SAMSN1: variants seen among roughly 807,000 people sequenced by gnomAD.
The protein encoded by SAMSN1 is SAM domain, SH3 domain and nuclear localization signals 1, also known as SAM domain-containing protein SAMSN-1.
A neutral mutation model predicts 42.0 loss-of-function variants in SAMSN1; 31 were observed. The observed-to-expected ratio is 0.74, with a 90% CI of 0.55 to 1.00. The LOEUF (loss-of-function observed/expected upper bound fraction) is 1.00. Ranked by LOEUF, SAMSN1 falls within the 50% of genes least tolerant of loss-of-function variation. The pLI, the probability that SAMSN1 is intolerant of heterozygous loss-of-function variation, is 0.00. For synonymous variants in SAMSN1, 178 were observed against 151.9 expected, an observed-to-expected ratio of 1.17 and a Z score of -1.26; for missense variants, 464 against 439.4, an observed-to-expected ratio of 1.06 and a Z score of -0.50.
At chr21:14,581,614 C>T (rs1981734833) in intron 2 of SAMSN1, among the ~76,000 whole-genome samples, 1 of 151,716 alleles carries the variant, frequency 6.6e-6, no homozygotes, top group Admixed American at 6.6e-5. Context: ...CCGCCTCGGC[C>T]TCCCAAAAGT....
chr21:14,528,857 A>C (rs1979052575), intron 1 of SAMSN1, among the ~76,000 whole-genome samples: 1 of 152,104 alleles, frequency 6.6e-6, no homozygotes, highest in African/African-American at 2.4e-5. Flanking sequence ...CGTTACCGAG[A>C]GCTTTCCATC....
intron 2 of SAMSN1, among the ~76,000 whole-genome samples, chr21:14,623,872 A>G (rs993197232): frequency 6.6e-6 from 1 of 152,140 alleles, no homozygotes; most frequent in Non-Finnish European, 1.5e-5. Flanking sequence ...CCACATAGTT[A>G]GAAGTAAAGC....
chr21:14,644,396 A>G (rs1983670551), intron 1 of SAMSN1, among the ~76,000 whole-genome samples: 1 of 152,046 alleles, frequency 6.6e-6, no homozygotes, highest in Admixed American at 6.6e-5. Flanking sequence ...TAGCTCCCAG[A>G]TGACATTTCT....
At chr21:14,563,641 C>A (rs1188162592) in intron 2 of SAMSN1, among the ~76,000 whole-genome samples, 2 of 152,148 alleles carry the variant, frequency 1.3e-5, no homozygotes, top group Non-Finnish European at 2.9e-5. Context: ...TGTGAGTGAG[C>A]TTCTTCCCCA....
chr21:14,651,707 C>T (rs1300987306), intron 1 of SAMSN1, among the ~76,000 whole-genome samples: 1 of 151,914 alleles, frequency 6.6e-6, no homozygotes, highest in Admixed American at 6.6e-5. Context: ...ATATACATGG[C>T]ATCCAAATTA....
At chr21:14,646,644 T>C (rs1264473283) in intron 1 of SAMSN1, among the ~76,000 whole-genome samples, 2 of 152,142 alleles carry the variant, frequency 1.3e-5, no homozygotes, top group East Asian at 3.9e-4. Flanking sequence ...AACTGTGGTG[T>C]GTAAAATAAT....
rs551068704 is a variant in SAMSN1 at position 14,657,298 on chromosome 21, A to C, written c.24+1450T>G. 9.9e-5 allele frequency among the ~76,000 whole-genome samples: 15 copies of C among 152,004 alleles called. No homozygotes were observed. The South Asian group carries it at 3.1e-3, about 31-fold the overall frequency. ...GGGTTCTTGATGGTTCCGTCTAATGAAATATGTTTCTGAACAAGTAACTTC... is the reference window on the plus strand; with the variant it reads ...GGGTTCTTGATGGTTCCGTCTAATGCAATATGTTTCTGAACAAGTAACTTC... On this transcript the variant is annotated intron_variant, in intron 1 of 15. Transcript: ENST00000647101.
At chr21:14,609,310 A>C (rs1982644116) in intron 5 of SAMSN1, among the ~76,000 whole-genome samples, 1 of 152,118 alleles carries the variant, frequency 6.6e-6, no homozygotes, top group Non-Finnish European at 1.5e-5. Flanking sequence ...ATACATGTAT[A>C]TATTAATAGT....
At chr21:14,531,734 T>C in intron 1 of SAMSN1, among the ~76,000 whole-genome samples, 1 of 152,210 alleles carries the variant, frequency 6.6e-6, no homozygotes, top group East Asian at 1.9e-4. Flanking sequence ...ATAGTACTCA[T>C]TACTTTGAAA....
intron 2 of SAMSN1, among the ~76,000 whole-genome samples, chr21:14,579,526 G>A (rs755903711): frequency 3.3e-5 from 5 of 152,000 alleles, no homozygotes; most frequent in Non-Finnish European, 5.9e-5. Flanking sequence ...TGCTTTATCT[G>A]GATCTATGGA....
intron 5 of SAMSN1, among the ~76,000 whole-genome samples, chr21:14,502,973 C>G (rs887666194): frequency 9.2e-5 from 14 of 152,132 alleles, no homozygotes; most frequent in South Asian, 2.1e-4. Context: ...ACTTTTAGCA[C>G]TTTGTGATAC....
At chr21:14,544,520 A>G (rs1409612740) in intron 1 of SAMSN1, among the ~76,000 whole-genome samples, 2 of 152,242 alleles carry the variant, frequency 1.3e-5, no homozygotes, top group Non-Finnish European at 2.9e-5. Context: ...CTGTGCCTCT[A>G]TATTCACATC....
At chr21:14,520,115 A>G (rs1490128897) in intron 2 of SAMSN1, among the ~76,000 whole-genome samples, 1 of 152,208 alleles carries the variant, frequency 6.6e-6, no homozygotes, top group Non-Finnish European at 1.5e-5. Context: ...TTTCATCGTG[A>G]GTGCTCAACT....
At chr21:14,525,913 G>T (rs1299298618) in intron 1 of SAMSN1, among the ~76,000 whole-genome samples, 4 of 152,094 alleles carry the variant, frequency 2.6e-5, no homozygotes, top group African/African-American at 9.7e-5. Context: ...TATGCAGGCT[G>T]GAGTGCAGTG....
Position 14,609,619 on chromosome 21 carries a change from A to T in SAMSN1, c.236-51T>A, listed in dbSNP as rs891766415. 2.9e-5 allele frequency: 21 copies of T among 716,518 alleles called. No homozygotes were observed. In the Admixed American group the frequency reaches 3.0e-4, roughly 10 times the overall value. The allele number at this position is 716,518 out of a possible 1,614,324, so 44.4% of individuals were successfully genotyped here. On this transcript the variant is annotated intron_variant, in intron 4 of 15. Transcript: ENST00000647101. ...GCAGAATTCATAGTAACATTTGTCC[A>T]GTAAGTATAAGACATTTGAAATCAA...
intron 2 of SAMSN1, among the ~76,000 whole-genome samples, chr21:14,581,095 A>G (rs1295091225): frequency 6.6e-6 from 1 of 152,170 alleles, no homozygotes; most frequent in East Asian, 1.9e-4. Flanking sequence ...TAGCACAGCC[A>G]GAATCCATCC....
chr21:14,659,167 C>T (rs1983960558), upstream of SAMSN1, among the ~76,000 whole-genome samples: 1 of 151,964 alleles, frequency 6.6e-6, no homozygotes, highest in Non-Finnish European at 1.5e-5. Context: ...AAGGGTCCAT[C>T]TCATATTTCT....
At position 14,622,098 on chromosome 21, in the gene SAMSN1, G is replaced by C. The variant is rs576423709; in HGVS notation, c.157-6082C>G. On this transcript the variant is annotated intron_variant, in intron 2 of 15. Coordinates refer to the SAMSN1 transcript ENST00000647101. ...AGAAGGAAAACTAACAAACAGAAAG[G>C]ACATCCACACCAAAACCCCATCTGT... Among the ~76,000 whole-genome samples, 7 of 152,246 alleles carry C rather than the reference G, an allele frequency of 4.6e-5. No homozygotes were observed. In the East Asian group the frequency reaches 1.4e-3, roughly 29 times the overall value.
chr21:14,627,759 C>T (rs1286076454), intron 2 of SAMSN1, among the ~76,000 whole-genome samples: 1 of 151,754 alleles, frequency 6.6e-6, no homozygotes, highest in Non-Finnish European at 1.5e-5. Flanking sequence ...AACATCAAAT[C>T]AAAAACAAAA....
Sources: allele counts gnomAD v4.1 joint callset (sites outside exome capture counted in the v4.1 genomes callset), GRCh38; gene constraint gnomAD v4.1.1; transcripts MANE v1.5; gene names NCBI Gene and HGNC (gene_info 2026-07-23, HGNC 2026-07-21).